The following CCDC149 variants were observed in gnomAD, a reference collection of about 807,000 sequenced individuals.
CCDC149 encodes coiled-coil domain containing 149.
In CCDC149, 45 loss-of-function variants were observed where a neutral mutation model predicts 59.9. That is an observed-to-expected ratio of 0.75 (90% CI 0.59 to 0.96). CCDC149 has a LOEUF of 0.96. CCDC149 is among the 40% of genes least tolerant of loss of function. The pLI is 0.00. For synonymous variants in CCDC149, 245 were observed against 260.6 expected (o/e 0.94, Z 0.58); for missense variants, 584 against 664.7 (o/e 0.88, Z 1.33).
intron 9 of CCDC149, among the ~76,000 whole-genome samples, chr4:24,826,485 A>T (rs577507018): frequency 4.6e-5 from 7 of 152,258 alleles, no homozygotes; most frequent in Admixed American, 1.3e-4. Flanking sequence ...TGCCTGTGGG[A>T]GATCTGTGCA....
chr4:24,896,127 C>T (rs1178309205), intron 1 of CCDC149, among the ~76,000 whole-genome samples: 1 of 152,230 alleles, frequency 6.6e-6, no homozygotes, highest in African/African-American at 2.4e-5. Context: ...CTCTTGCTTG[C>T]TTCTTGCTGA....
chr4:24,957,927 A>T (rs1419889747), intron 1 of CCDC149, among the ~76,000 whole-genome samples: 1 of 152,226 alleles, frequency 6.6e-6, no homozygotes, highest in East Asian at 1.9e-4. Flanking sequence ...GTAGACATCA[A>T]GTATAGTATC....
chr4:24,822,600 C>T, intron 9 of CCDC149, 27 bp from the exon 10 acceptor site: 2 of 1,493,284 alleles, frequency 1.3e-6, no homozygotes, highest in Non-Finnish European at 1.8e-6. Context: ...AAATGACAAT[C>T]AATTACTGAG....
chr4:24,850,765 A>T (rs1410247270), intron 4 of CCDC149, among the ~76,000 whole-genome samples: 1 of 152,176 alleles, frequency 6.6e-6, no homozygotes, highest in African/African-American at 2.4e-5. Flanking sequence ...TCTCTACCAC[A>T]CAGTCACAGT....
At chr4:24,890,046 G>GA (rs1720439324) in intron 1 of CCDC149, among the ~76,000 whole-genome samples, 1 of 152,134 alleles carries the variant, frequency 6.6e-6, no homozygotes, top group Admixed American at 6.5e-5. Context: ...TAACAAAAGG[G>GA]AAACTCAGGA....
intron 4 of CCDC149, among the ~76,000 whole-genome samples, chr4:24,850,762 C>T (rs543867075): frequency 6.6e-6 from 1 of 152,100 alleles, no homozygotes; most frequent in Non-Finnish European, 1.5e-5. Flanking sequence ...CATTCTCTAC[C>T]ACACAGTCAC....
chr4:24,929,688 G>C (rs975323005), intron 1 of CCDC149, among the ~76,000 whole-genome samples: 5 of 152,114 alleles, frequency 3.3e-5, no homozygotes, highest in African/African-American at 1.2e-4. Flanking sequence ...TCCTCCCTCT[G>C]TGCCTCTGCT....
At chr4:24,834,879 T>G in intron 8 of CCDC149, 69 bp downstream of exon 8, 1 of 1,162,096 alleles carries the variant, frequency 8.6e-7, no homozygotes, top group Non-Finnish European at 1.3e-6. Flanking sequence ...GCAGCCTGGA[T>G]GGGATGTGGG....
At position 24,920,837 on chromosome 4, in the gene CCDC149, A is replaced by AT. The variant is rs200394240; in HGVS notation, c.-64-25720dup. 3.0e-4 allele frequency among the ~76,000 whole-genome samples: 46 copies of AT among 151,708 alleles called. No individual in the cohort carries two copies. In the East Asian group the frequency reaches 4.2e-3, roughly 14 times the overall value. ...ATTAAATTTAGGCCTCAATACCTGT[A>AT]TTTTTTTTTAGAACCTACCAGTTCA... is the stretch of plus-strand genomic sequence containing the variant. On this transcript the variant is annotated intron_variant, in intron 1 of 12. Transcript: ENST00000389609.
chr4:24,905,862 C>G (rs1721477027), intron 1 of CCDC149, among the ~76,000 whole-genome samples: 1 of 152,184 alleles, frequency 6.6e-6, no homozygotes, highest in South Asian at 2.1e-4. Flanking sequence ...GGGAGGTGAG[C>G]AGATGTGATA....
intron 1 of CCDC149, among the ~76,000 whole-genome samples, chr4:24,942,234 G>T (rs199777651): frequency 0.1 from 15,248 of 152,174 alleles, 1,399 homozygotes; most frequent in East Asian, 0.29. Flanking sequence ...ATGCAAGGCT[G>T]GTTCAACATA....
At chr4:24,896,002 A>T (rs1720826017) in intron 1 of CCDC149, among the ~76,000 whole-genome samples, 2 of 152,254 alleles carry the variant, frequency 1.3e-5, no homozygotes, top group Non-Finnish European at 2.9e-5. Context: ...GCAGCATGCA[A>T]GGGCTGCCGC....
At chr4:24,904,138 T>C (rs537337384) in intron 1 of CCDC149, among the ~76,000 whole-genome samples, 1 of 152,228 alleles carries the variant, frequency 6.6e-6, no homozygotes, top group African/African-American at 2.4e-5. Context: ...TATACCTTGA[T>C]TGTGGTGATG....
intron 1 of CCDC149, among the ~76,000 whole-genome samples, chr4:24,920,040 C>T (rs915954948): frequency 1.2e-4 from 19 of 152,306 alleles, no homozygotes; most frequent in African/African-American, 4.3e-4. Context: ...CTGGAACTTT[C>T]GATTCCCATG....
At chr4:24,913,771 C>T (rs1431319372), upstream of CCDC149, among the ~76,000 whole-genome samples, 1 of 152,158 alleles carries the variant, frequency 6.6e-6, no homozygotes. Context: ...AAGTGACACA[C>T]CCCCTCTTTA....
At chr4:24,844,921 A>AC (rs1717178795) in intron 4 of CCDC149, among the ~76,000 whole-genome samples, 2 of 152,162 alleles carry the variant, frequency 1.3e-5, no homozygotes, top group African/African-American at 4.8e-5. Context: ...ATTTAAGTCC[A>AC]CCAAGCACCC....
chr4:24,836,120 A>C (rs1716502616), intron 7 of CCDC149, among the ~76,000 whole-genome samples: 1 of 152,248 alleles, frequency 6.6e-6, no homozygotes. Flanking sequence ...ACCTAATTGC[A>C]AATGGACCAA....
intron 1 of CCDC149, among the ~76,000 whole-genome samples, chr4:24,971,764 C>T (rs967490975): frequency 7.2e-5 from 11 of 152,168 alleles, no homozygotes; most frequent in Non-Finnish European, 1.6e-4. Context: ...CCTCATTATA[C>T]CATCCTCTCT....
intron 1 of CCDC149, among the ~76,000 whole-genome samples, chr4:24,945,558 C>T (rs1019614278): frequency 1.2e-4 from 18 of 151,956 alleles, no homozygotes; most frequent in African/African-American, 4.4e-4. Context: ...GACTCCAGAA[C>T]TGTGAGAACG....
Sources: gnomAD v4.1 joint callset for allele counts (sites outside exome capture counted in the v4.1 genomes callset) on GRCh38, gnomAD v4.1.1 for gene constraint, MANE v1.5 for transcripts, NCBI Gene and HGNC (gene_info 2026-07-23, HGNC 2026-07-21) for gene names.